Variants in UTY observed in about 807,000 individuals in gnomAD.
The protein encoded by UTY is ubiquitously transcribed tetratricopeptide repeat containing, Y-linked.
UTY carries 12 observed loss-of-function variants against 32.5 expected under a neutral mutation model. That is an observed-to-expected ratio of 0.37 (90% confidence interval 0.24 to 0.60). UTY has a LOEUF of 0.60. UTY is among the 20% of genes least tolerant of loss of function. The pLI, the probability that UTY is intolerant of heterozygous loss-of-function variation, is 0.69. For missense variants in UTY, 303 were observed against 299.2 expected (o/e 1.01, Z -0.09); for synonymous variants, 131 against 103.4 (o/e 1.27, Z -1.62).
At chrY:13,323,381 G>C in intron 21 of UTY, 174 bp downstream of exon 21, 1 of 120,785 alleles carries the variant, frequency 8.3e-6, no homozygotes, top group Non-Finnish European at 1.5e-5. Flanking sequence ...GGGTGAGAGA[G>C]AATGAGACTC....
At chrY:13,358,685 T>C in intron 13 of UTY, 66 bp from the exon 14 acceptor site, 1 of 251,945 alleles carries the variant, frequency 4.0e-6, no homozygotes, top group Non-Finnish European at 5.8e-6. Context: ...CTTCAAATTA[T>C]AAAACTTCAT....
intron 20 of UTY, 98 bp downstream of exon 20, chrY:13,324,503 G>A: frequency 1.9e-5 from 4 of 212,382 alleles, no homozygotes; most frequent in African/African-American, 8.2e-5. Flanking sequence ...TTAAAATAAA[G>A]ACTCAGAATG....
chrY:13,390,811 G>A, intron 8 of UTY, among the ~76,000 whole-genome samples: 1 of 33,314 alleles, frequency 3.0e-5, no homozygotes, highest in Non-Finnish European at 7.5e-5. Context: ...AAAAAGAAAA[G>A]CTCAGCAAAT....
intron 27 of UTY, among the ~76,000 whole-genome samples, chrY:13,288,287 C>CA (rs1256691912): frequency 0.11 from 2,208 of 19,249 alleles, no homozygotes; most frequent in African/African-American, 0.43. Context: ...AATAGTACCG[C>CA]AAAAAAAAAA....
intron 10 of UTY, among the ~76,000 whole-genome samples, chrY:13,365,434 AG>A (rs2064031610): frequency 3.2e-5 from 1 of 30,855 alleles, no homozygotes; most frequent in Admixed American, 3.1e-4. Flanking sequence ...AAAAAAGAAA[AG>A]AAAAACATGA....
intron 28 of UTY, among the ~76,000 whole-genome samples, chrY:13,256,202 T>C: frequency 5.9e-5 from 2 of 33,919 alleles, no homozygotes; most frequent in African/African-American, 1.1e-4. Flanking sequence ...TTGCTACCTA[T>C]GCTATGAGTA....
intron 7 of UTY, 104 bp downstream of exon 7, chrY:13,396,814 T>A: frequency 1.3e-5 from 2 of 159,253 alleles, no homozygotes; most frequent in African/African-American, 1.8e-4. Context: ...GGCACATGCC[T>A]TCTCACTTCT....
chrY:13,304,647 C>T (rs2058558815), intron 24 of UTY, among the ~76,000 whole-genome samples: 1 of 32,899 alleles, frequency 3.0e-5, no homozygotes, highest in Non-Finnish European at 7.5e-5. Context: ...GAAGATCTCA[C>T]TACCACAGAA....
At position 13,450,315 on chromosome Y, in the gene UTY, C is replaced by CA. The variant is rs2076218974; in HGVS notation, c.326-1250dup. On this transcript the variant is annotated intron_variant, in intron 3 of 29. Transcript: ENST00000545955. The stretch of plus-strand genomic sequence containing the variant: ...CTAAGAAAATAAACTAAGTTCTCAG[C>CA]AAAAAACAGTGAAAATCTATCGTAT... Among the ~76,000 whole-genome samples the CA allele has an allele frequency of 1.2e-4, 4 of 32,969 alleles. No individual in the cohort carries two copies. In the East Asian group the frequency reaches 3.2e-3, roughly 26 times the overall value. 88.5% of individuals were successfully genotyped at this position (32,969 alleles called of 37,273 possible). A position where few individuals can be genotyped will look rare whatever the true frequency, so the allele number is the denominator to read the frequency against.
At chrY:13,454,295 A>G in intron 3 of UTY, among the ~76,000 whole-genome samples, 1 of 32,348 alleles carries the variant, frequency 3.1e-5, no homozygotes, top group Non-Finnish European at 7.5e-5. Flanking sequence ...CTGTATACTA[A>G]TTTTCATAGC....
chrY:13,468,619 G>C, intron 3 of UTY, among the ~76,000 whole-genome samples: 1 of 32,336 alleles, frequency 3.1e-5, no homozygotes, highest in East Asian at 8.0e-4. Context: ...GGCGGAGCTT[G>C]CAGTGAGCCG....
At chrY:13,389,474 A>G (rs752939835) in intron 8 of UTY, among the ~76,000 whole-genome samples, 2 of 33,571 alleles carry the variant, frequency 6.0e-5, no homozygotes, top group African/African-American at 2.3e-4. Flanking sequence ...TCTTATGTTT[A>G]TAAGTCCTCA....
intron 8 of UTY, among the ~76,000 whole-genome samples, chrY:13,386,647 T>A: frequency 3.1e-5 from 1 of 32,661 alleles, no homozygotes; most frequent in Non-Finnish European, 7.5e-5. Context: ...AGTTTGGTGC[T>A]AAAACTAATT....
At chrY:13,375,292 T>C (rs2065314178) in intron 8 of UTY, among the ~76,000 whole-genome samples, 1 of 34,224 alleles carries the variant, frequency 2.9e-5, no homozygotes, top group Non-Finnish European at 7.3e-5. Context: ...ATACAGTCTA[T>C]GTTCCATTCT....
chrY:13,432,734 C>T (rs2032663), intron 4 of UTY, among the ~76,000 whole-genome samples: 8 of 33,860 alleles, frequency 2.4e-4, no homozygotes, highest in African/African-American at 9.3e-4. Context: ...TAACAACAAG[C>T]ACACCACTGA....
chrY:13,236,639 T>A, intron 28 of UTY, among the ~76,000 whole-genome samples: 2 of 32,852 alleles, frequency 6.1e-5, no homozygotes, highest in Non-Finnish European at 1.5e-4. Flanking sequence ...GGTACATAGG[T>A]ATAATAATCA....
intron 27 of UTY, among the ~76,000 whole-genome samples, chrY:13,293,920 G>A (rs899941801): frequency 2.1e-4 from 7 of 33,201 alleles, no homozygotes; most frequent in African/African-American, 8.2e-4. Context: ...ACACTGATAC[G>A]GAAAATTAAA....
chrY:13,395,510 C>A, intron 7 of UTY, among the ~76,000 whole-genome samples: 2 of 32,353 alleles, frequency 6.2e-5, no homozygotes, highest in Non-Finnish European at 1.5e-4. Flanking sequence ...GCATTGCATG[C>A]GCCTTAAAGT....
At chrY:13,450,701 G>A (rs2076243310) in intron 3 of UTY, among the ~76,000 whole-genome samples, 4 of 31,622 alleles carry the variant, frequency 1.3e-4, no homozygotes, top group Admixed American at 1.2e-3. Flanking sequence ...GCACGTGCCT[G>A]TACTCCCAGC....
Sources: allele counts gnomAD v4.1 joint callset (sites outside exome capture counted in the v4.1 genomes callset), GRCh38; gene constraint gnomAD v4.1.1; transcripts MANE v1.5; gene names NCBI Gene and HGNC (gene_info 2026-07-23, HGNC 2026-07-21).